RPS6KC1: variants seen among roughly 807,000 people sequenced by gnomAD.
RPS6KC1 encodes the protein inactive ribosomal protein S6 kinase delta-1.
Under a neutral mutation model 103.8 loss-of-function variants are expected in RPS6KC1, and 54 were observed. The observed-to-expected ratio is 0.52, with a 90% CI of 0.42 to 0.65. The LOEUF (loss-of-function observed/expected upper bound fraction) is 0.65. Ranked by LOEUF, RPS6KC1 falls within the 30% of genes least tolerant of loss-of-function variation. The probability of loss-of-function intolerance (pLI) is 0.00; values close to 1 mark genes in which losing one functional copy is unlikely to be tolerated. For missense variants in RPS6KC1, 1,151 were observed against 1,253.8 expected, an observed-to-expected ratio of 0.92 and a Z score of 1.24; for synonymous variants, 439 against 438.7, an observed-to-expected ratio of 1.00 and a Z score of -0.01.
At chr1:213,533,283 T>C in the RPS6KC1 span, among the ~76,000 whole-genome samples, 4 of 152,086 alleles carry the variant, frequency 2.6e-5, no homozygotes, top group Admixed American at 2.6e-4. Context: ...TTTGACTGAC[T>C]TGGACAGAGG....
At chr1:213,577,559 G>A in the RPS6KC1 span, among the ~76,000 whole-genome samples, 16 of 152,282 alleles carry the variant, frequency 1.1e-4, no homozygotes, top group Non-Finnish European at 1.9e-4. Flanking sequence ...GAGACTTATC[G>A]AAATGTTTTG....
chr1:213,365,481 C>G, the RPS6KC1 span, among the ~76,000 whole-genome samples: 1 of 152,188 alleles, frequency 6.6e-6, no homozygotes, highest in Non-Finnish European at 1.5e-5. Context: ...TAAAAATAGA[C>G]ACAGTGATGG....
At chr1:213,370,458 C>T in the RPS6KC1 span, among the ~76,000 whole-genome samples, 9 of 151,970 alleles carry the variant, frequency 5.9e-5, no homozygotes, top group Admixed American at 2.0e-4. Context: ...TTGTGCACTT[C>T]GGGATGTATG....
chr1:213,411,906 C>G, the RPS6KC1 span, among the ~76,000 whole-genome samples: 4 of 152,170 alleles, frequency 2.6e-5, no homozygotes, highest in Admixed American at 2.0e-4. Flanking sequence ...TGTGGCAGCC[C>G]TCCTCTGCCA....
At chr1:213,433,586 T>C in the RPS6KC1 span, among the ~76,000 whole-genome samples, 1 of 152,226 alleles carries the variant, frequency 6.6e-6, no homozygotes, top group African/African-American at 2.4e-5. Context: ...CATTTTACGT[T>C]GCCATTATCA....
intron 3 of RPS6KC1, among the ~76,000 whole-genome samples, chr1:213,084,361 C>G (rs2080186797): frequency 6.6e-6 from 1 of 152,148 alleles, no homozygotes; most frequent in Non-Finnish European, 1.5e-5. Flanking sequence ...CCTCGACTTC[C>G]CAGACTGAAG....
the RPS6KC1 span, among the ~76,000 whole-genome samples, chr1:213,602,120 C>CTCTCTCTCTCTCTCTCTCTTTCTT: frequency 1.9e-4 from 1 of 5,152 alleles, no homozygotes; most frequent in African/African-American, 6.8e-4. Flanking sequence ...TTCTTTCTTT[C>CTCTCTCTCTCTCTCTCTCTTTCTT]TCTTTCTTTC....
the RPS6KC1 span, among the ~76,000 whole-genome samples, chr1:213,650,368 C>T: frequency 6.6e-6 from 1 of 152,106 alleles, no homozygotes; most frequent in Admixed American, 6.5e-5. Flanking sequence ...ATGCCTTTAA[C>T]TAAATAGTCA....
chr1:213,653,738 C>T, the RPS6KC1 span, among the ~76,000 whole-genome samples: 13 of 152,176 alleles, frequency 8.5e-5, no homozygotes, highest in Non-Finnish European at 2.9e-5. Context: ...CTTGTTCTGG[C>T]TCATAGCAGA....
At chr1:213,419,702 T>A in the RPS6KC1 span, among the ~76,000 whole-genome samples, 1 of 152,118 alleles carries the variant, frequency 6.6e-6, no homozygotes. Context: ...AGAATGAAAC[T>A]AAAAAGGGGT....
chr1:213,698,578 A>C, the RPS6KC1 span, among the ~76,000 whole-genome samples: 1 of 152,138 alleles, frequency 6.6e-6, no homozygotes, highest in Admixed American at 6.5e-5. Context: ...TTGAATTCTG[A>C]AATGTTACTA....
At chr1:213,860,945 A>G in the RPS6KC1 span, among the ~76,000 whole-genome samples, 59 of 151,938 alleles carry the variant, frequency 3.9e-4, no homozygotes, top group Admixed American at 3.5e-3. Context: ...AGTAGCTGAT[A>G]TTACAGGCGT....
At chr1:213,566,044 G>A in the RPS6KC1 span, among the ~76,000 whole-genome samples, 2 of 151,412 alleles carry the variant, frequency 1.3e-5, no homozygotes, top group African/African-American at 4.9e-5. Context: ...CCAAATAAAA[G>A]AGCAACAACA....
At chr1:213,397,405 T>C in the RPS6KC1 span, among the ~76,000 whole-genome samples, 1 of 152,058 alleles carries the variant, frequency 6.6e-6, no homozygotes, top group Non-Finnish European at 1.5e-5. Context: ...AAGAAATTGT[T>C]CATTCCTAGT....
the RPS6KC1 span, among the ~76,000 whole-genome samples, chr1:213,503,461 G>T: frequency 2.6e-5 from 4 of 152,144 alleles, no homozygotes; most frequent in African/African-American, 7.2e-5. Context: ...CTTCAGCAGG[G>T]GCTCTGGATA....
the RPS6KC1 span, among the ~76,000 whole-genome samples, chr1:213,785,237 A>C: frequency 6.6e-6 from 1 of 152,278 alleles, no homozygotes; most frequent in African/African-American, 2.4e-5. Context: ...ATGATTGCTT[A>C]ATAGCCTGGA....
chr1:213,787,420 A>C, the RPS6KC1 span, among the ~76,000 whole-genome samples: 1 of 152,198 alleles, frequency 6.6e-6, no homozygotes, highest in African/African-American at 2.4e-5. Flanking sequence ...TAATGAAAAG[A>C]TGGAGTGAGC....
At chr1:213,826,259 A>T in the RPS6KC1 span, among the ~76,000 whole-genome samples, 1 of 152,260 alleles carries the variant, frequency 6.6e-6, no homozygotes, top group East Asian at 1.9e-4. Context: ...CAATGTTGAC[A>T]AGTACAGATG....
At chr1:213,602,804 C>T in the RPS6KC1 span, among the ~76,000 whole-genome samples, 1 of 152,318 alleles carries the variant, frequency 6.6e-6, no homozygotes, top group Non-Finnish European at 1.5e-5. Flanking sequence ...CTAGCTCCCT[C>T]GCAGCCTTAG....
Sources: allele counts gnomAD v4.1 joint callset (sites outside exome capture counted in the v4.1 genomes callset), GRCh38; gene constraint gnomAD v4.1.1; transcripts MANE v1.5; gene names NCBI Gene and HGNC (gene_info 2026-07-23, HGNC 2026-07-21).